The following JPH1 variants were observed in gnomAD, a reference collection of about 807,000 sequenced individuals.
JPH1 encodes junctophilin 1, also known as junctophilin-1.
Under a neutral mutation model 53.6 loss-of-function variants are expected in JPH1, and 12 were observed. The observed-to-expected ratio is 0.22, with a 90% confidence interval of 0.14 to 0.36. The LOEUF is 0.36. Ranked by LOEUF, JPH1 falls within the 10% of genes least tolerant of loss-of-function variation. JPH1 has a pLI of 1.00. For missense variants in JPH1, 808 were observed against 905.5 expected, an observed-to-expected ratio of 0.89 and a Z score of 1.38; for synonymous variants, 375 against 363.8, an observed-to-expected ratio of 1.03 and a Z score of -0.35.
chr8:74,290,906 G>T (rs1467836618), intron 2 of JPH1, among the ~76,000 whole-genome samples: 1 of 152,188 alleles, frequency 6.6e-6, no homozygotes, highest in East Asian at 1.9e-4. Context: ...AATAAATGAT[G>T]CTGGAAAAAC....
At chr8:74,247,803 T>A (rs184858978) in intron 3 of JPH1, among the ~76,000 whole-genome samples, 8 of 152,346 alleles carry the variant, frequency 5.3e-5, no homozygotes, top group Non-Finnish European at 1.0e-4. Context: ...ATTAGCTTGA[T>A]TTAATCATTC....
rs1180389600 is a variant in JPH1 at position 74,315,711 on chromosome 8, A to G, written c.380-91T>C. 3 of 1,302,736 alleles carry G rather than the reference A, an allele frequency of 2.3e-6. No individual in the cohort carries two copies. The African/African-American group carries it at 4.5e-5, about 20-fold the overall frequency. The allele number at this position is 1,302,736 out of a possible 1,614,324, so 80.7% of individuals were successfully genotyped here. On this transcript the variant is annotated intron_variant, in intron 1 of 5. Transcript: ENST00000342232. This position sits in a 1 kb window ranked among gnomAD's most constrained non-coding sequence, Gnocchi z 6.3. The stretch of plus-strand genomic sequence containing the variant: ...AGCGCACACTGGCGCAGGCCTGCCC[A>G]AGGTCAAATCTGACCCATTTCCAAG...
chr8:74,275,611 G>A lies in JPH1; in HGVS notation c.1140-16108C>T, dbSNP rs139340054. ...CAGCATGACAACGAAAAATGTGAGCGGCTCTTTCACCGTAACTATGCAGAA... is the reference window on the plus strand; with the variant it reads ...CAGCATGACAACGAAAAATGTGAGCAGCTCTTTCACCGTAACTATGCAGAA... On this transcript the variant is annotated intron_variant, in intron 2 of 5. Coordinates refer to ENST00000342232, the MANE Select transcript of JPH1 (RefSeq NM_020647.4). 4.0e-3 allele frequency among the ~76,000 whole-genome samples: 610 copies of A among 152,154 alleles called. 3 individuals carry two copies. Among genetic ancestry groups the A allele is most frequent in the African/African-American group, 0.014 (583 of 41,498 alleles).
intron 2 of JPH1, among the ~76,000 whole-genome samples, chr8:74,271,875 G>A (rs1806710501): frequency 6.6e-6 from 1 of 152,156 alleles, no homozygotes; most frequent in African/African-American, 2.4e-5. Context: ...TCCTGCAGGG[G>A]CTCCCACTGC....
intron 2 of JPH1, among the ~76,000 whole-genome samples, chr8:74,287,919 T>C (rs1004610814): frequency 6.6e-6 from 1 of 152,160 alleles, no homozygotes; most frequent in African/African-American, 2.4e-5. Flanking sequence ...AACATCTATG[T>C]CGTTTTCAAT....
intron 3 of JPH1, among the ~76,000 whole-genome samples, chr8:74,250,858 G>A (rs755617827): frequency 6.6e-6 from 1 of 152,092 alleles, no homozygotes; most frequent in Non-Finnish European, 1.5e-5. Context: ...AATCCTAGAA[G>A]GCCAATTTAC....
intron 2 of JPH1, among the ~76,000 whole-genome samples, chr8:74,270,216 G>A (rs1239308140): frequency 6.6e-6 from 1 of 152,110 alleles, no homozygotes; most frequent in Non-Finnish European, 1.5e-5. Context: ...AACATTTTTA[G>A]GTGGTGTTAA....
At chr8:74,318,227 A>G (rs1006456922) in intron 1 of JPH1, among the ~76,000 whole-genome samples, 2 of 152,222 alleles carry the variant, frequency 1.3e-5, no homozygotes, top group African/African-American at 4.8e-5. Flanking sequence ...TTTCACAAGT[A>G]TAAAAATTAC....
At chr8:74,251,797 T>C (rs2131384379) in intron 3 of JPH1, among the ~76,000 whole-genome samples, 1 of 152,324 alleles carries the variant, frequency 6.6e-6, no homozygotes, top group East Asian at 1.9e-4. Flanking sequence ...CCAATGACTT[T>C]CTTCACAGAA....
At position 74,321,420 on chromosome 8, in the gene JPH1, C is replaced by G. The variant is rs1808323216; in HGVS notation, c.-133G>C. The G allele has an allele frequency of 1.2e-6, 1 of 867,510 alleles. No homozygotes were observed. Among genetic ancestry groups the G allele is most frequent in the Non-Finnish European group, 1.6e-6 (1 of 624,466 alleles). 53.7% of individuals were successfully genotyped at this position (867,510 alleles called of 1,614,324 possible). On this transcript the variant is annotated 5_prime_UTR_variant, in exon 1 of 6. Transcript: ENST00000342232. The surrounding 1 kb of genome is among the most constrained non-coding windows in gnomAD (Gnocchi z 4.3). Reference sequence around the variant, plus strand: ...GCGCCCTGGGCAGCTCGCGCTGCCGCTCGGCTCCAGTCCGACGCCGCCCCC... The same window carrying G: ...GCGCCCTGGGCAGCTCGCGCTGCCGGTCGGCTCCAGTCCGACGCCGCCCCC...
rs1808319555 is a variant in JPH1 at position 74,321,320 on chromosome 8, G to A, written c.-33C>T. 2 of 1,501,192 alleles carry A rather than the reference G, an allele frequency of 1.3e-6. No individual in the cohort carries two copies. Among genetic ancestry groups the A allele is most frequent in the South Asian group, 2.7e-5 (2 of 74,864 alleles). The allele number at this position is 1,501,192 out of a possible 1,614,324, so 93.0% of individuals were successfully genotyped here. ...GCAGCCCCGGCGCGCTCCCCGCAGG[G>A]GCACGGACGCGGGCAGTGCTGGGCA... is the stretch of plus-strand genomic sequence containing the variant. On this transcript the variant is annotated 5_prime_UTR_variant, in exon 1 of 6. Coordinates refer to ENST00000342232, the MANE Select transcript of JPH1 (RefSeq NM_020647.4). The surrounding 1 kb of genome is among the most constrained non-coding windows in gnomAD (Gnocchi z 4.3).
chr8:74,296,826 T>A (rs190658410), intron 2 of JPH1, among the ~76,000 whole-genome samples: 137 of 152,300 alleles, frequency 9.0e-4, no homozygotes, highest in African/African-American at 3.2e-3. Context: ...AATTATTAAA[T>A]CAAGCTAATA....
intron 2 of JPH1, among the ~76,000 whole-genome samples, chr8:74,296,802 T>C (rs1807534816): frequency 1.3e-5 from 2 of 152,208 alleles, no homozygotes; most frequent in African/African-American, 4.8e-5. Flanking sequence ...CTTTGATATA[T>C]GGATACACTG....
At position 74,315,879 on chromosome 8, in the gene JPH1, G is replaced by A. The variant is rs1563425252; in HGVS notation, c.380-259C>T. 6.6e-6 allele frequency among the ~76,000 whole-genome samples: 1 copy of A among 152,130 alleles called. No homozygotes were observed. The highest frequency in any genetic ancestry group is 1.5e-5 in the Non-Finnish European group (1 of 68,020). ...TAAAATTTTATGCAAGTATTTCAGA[G>A]GAAAACCACTACTTTCTAATACAAA... On this transcript the variant is annotated intron_variant, in intron 1 of 5. Transcript: ENST00000342232. This position sits in a 1 kb window ranked among gnomAD's most constrained non-coding sequence, Gnocchi z 6.3.
At chr8:74,308,773 G>A (rs1807907756) in intron 2 of JPH1, among the ~76,000 whole-genome samples, 1 of 152,182 alleles carries the variant, frequency 6.6e-6, no homozygotes, top group South Asian at 2.1e-4. Flanking sequence ...AGGAACCTAG[G>A]CTTAAAGCAG....
intron 2 of JPH1, among the ~76,000 whole-genome samples, chr8:74,267,650 A>C (rs1168674438): frequency 2.0e-5 from 3 of 152,226 alleles, no homozygotes; most frequent in Non-Finnish European, 2.9e-5. Context: ...AGTGGGCAGA[A>C]GAAGCCGAGG....
At chr8:74,246,097 A>G (rs1368130357) in intron 3 of JPH1, among the ~76,000 whole-genome samples, 1 of 152,088 alleles carries the variant, frequency 6.6e-6, no homozygotes, top group Non-Finnish European at 1.5e-5. Context: ...AGCTCTCAGC[A>G]AGTCATGTGC....
At chr8:74,317,483 C>T (rs527962138) in intron 1 of JPH1, among the ~76,000 whole-genome samples, 4 of 152,196 alleles carry the variant, frequency 2.6e-5, no homozygotes, top group South Asian at 2.1e-4. Flanking sequence ...CTCCAAATAC[C>T]GCCATCTTAA....
intron 2 of JPH1, among the ~76,000 whole-genome samples, chr8:74,303,262 C>T (rs1434296034): frequency 6.6e-6 from 1 of 152,196 alleles, no homozygotes; most frequent in African/African-American, 2.4e-5. Flanking sequence ...GTTCCAAATA[C>T]ATCTTCCCCC....
Sources: allele counts gnomAD v4.1 joint callset (sites outside exome capture counted in the v4.1 genomes callset), GRCh38; gene constraint gnomAD v4.1.1; non-coding constraint Gnocchi (gnomAD v3.1); transcripts MANE v1.5; gene names NCBI Gene and HGNC (gene_info 2026-07-23, HGNC 2026-07-21).